Variants in TIMMDC1 observed in about 807,000 individuals in gnomAD.
TIMMDC1 encodes the protein translocase of inner mitochondrial membrane domain containing 1, also known as complex I assembly factor TIMMDC1, mitochondrial.
TIMMDC1 carries 25 observed loss-of-function variants against 32.6 expected under a neutral mutation model. That is an observed-to-expected ratio of 0.77 (90% CI 0.56 to 1.07). The LOEUF (loss-of-function observed/expected upper bound fraction) is 1.07. Ranked by LOEUF, TIMMDC1 falls within the 50% of genes least tolerant of loss-of-function variation. TIMMDC1 has a pLI of 0.00. For missense variants in TIMMDC1, 329 were observed against 349.2 expected (o/e 0.94, Z 0.46); for synonymous variants, 130 against 127.6 (o/e 1.02, Z -0.13).
At chr3:119,514,392 A>G (rs1357549382) in intron 5 of TIMMDC1, among the ~76,000 whole-genome samples, 1 of 152,172 alleles carries the variant, frequency 6.6e-6, no homozygotes, top group African/African-American at 2.4e-5. Context: ...ACCCCCATAT[A>G]TATCAGCATG....
rs1322723704 is a variant in TIMMDC1 at position 119,517,331 on chromosome 3, A to G, written c.707+16A>G. 10 of 1,563,854 alleles carry G rather than the reference A, an allele frequency of 6.4e-6. No homozygotes were observed. The highest frequency in any genetic ancestry group is 1.7e-5 in the Admixed American group (1 of 59,946). On this transcript the variant is annotated intron_variant, in intron 6 of 6. Transcript: ENST00000494664. ...TGGAAGAGTGGTAAGGAACATGTTG[A>G]GCCCAGGGAATCTTGGCTCTCTTGC...
At chr3:119,508,042 C>T (rs939310180) in intron 4 of TIMMDC1, among the ~76,000 whole-genome samples, 15 of 152,186 alleles carry the variant, frequency 9.9e-5, no homozygotes, top group African/African-American at 3.6e-4. Flanking sequence ...ATAGTTTGGG[C>T]TGTGCAAAAC....
At chr3:119,512,034 T>A (rs1328596476) in intron 4 of TIMMDC1, among the ~76,000 whole-genome samples, 1 of 152,208 alleles carries the variant, frequency 6.6e-6, no homozygotes, top group Non-Finnish European at 1.5e-5. Flanking sequence ...CCCAGAAATT[T>A]CATTTCTGTG....
At position 119,523,964 on chromosome 3, in the gene TIMMDC1, A is replaced by G; in HGVS notation, c.*208A>G. 1 of 422,576 alleles carries G rather than the reference A, an allele frequency of 2.4e-6. No homozygotes were observed. Among genetic ancestry groups the G allele is most frequent in the Non-Finnish European group, 4.2e-6 (1 of 238,992 alleles). The allele number at this position is 422,576 out of a possible 1,614,324, so 26.2% of individuals were successfully genotyped here. A position where few individuals can be genotyped will look rare whatever the true frequency, so the allele number is the denominator to read the frequency against. The stretch of plus-strand genomic sequence containing the variant: ...TCACTTTACTTATCCTTAAATTTAA[A>G]TACATACTTATGTTTGTATTAATCT... On this transcript the variant is annotated 3_prime_UTR_variant, in exon 7 of 7. Transcript: ENST00000494664.
At chr3:119,511,481 AAAAAAAG>A (rs906126835) in intron 4 of TIMMDC1, among the ~76,000 whole-genome samples, 1 of 146,782 alleles carries the variant, frequency 6.8e-6, no homozygotes, top group African/African-American at 2.4e-5. Context: ...CATCTTAAAA[AAAAAAAG>A]AAAAAAGAAA....
intron 4 of TIMMDC1, among the ~76,000 whole-genome samples, chr3:119,511,715 T>A (rs1330384170): frequency 6.6e-6 from 1 of 152,156 alleles, no homozygotes; most frequent in Non-Finnish European, 1.5e-5. Context: ...AAAGCCCTAA[T>A]ATATCAAAAA....
At position 119,504,031 on chromosome 3, in the gene TIMMDC1, T is replaced by A; in HGVS notation, c.517+10T>A. ...TTTGTAATTGCAGGAGGTAAGACAT[T>A]TTTGTTTATATTTTTCAGTCTTCTC... On this transcript the variant is annotated intron_variant, in intron 4 of 6. Transcript: ENST00000494664. 1 of 1,602,702 alleles carries A rather than the reference T, an allele frequency of 6.2e-7. No homozygotes were observed. Among genetic ancestry groups the A allele is most frequent in the Middle Eastern group, 1.7e-4 (1 of 6,024 alleles).
intron 1 of TIMMDC1, among the ~76,000 whole-genome samples, chr3:119,499,260 A>AT (rs201343271): frequency 1.3e-4 from 19 of 149,232 alleles, no homozygotes; most frequent in Middle Eastern, 3.4e-3. Context: ...CGCCCGGCTA[A>AT]TTTTTTTTTA....
chr3:119,502,935 A>G (rs60438463), intron 2 of TIMMDC1, among the ~76,000 whole-genome samples: 4,717 of 152,276 alleles, frequency 0.031, 240 homozygotes, highest in African/African-American at 0.11. Flanking sequence ...TCTAAAGTCT[A>G]TCATTCTTTC....
intron 6 of TIMMDC1, among the ~76,000 whole-genome samples, chr3:119,520,444 T>G (rs1003390520): frequency 6.6e-6 from 1 of 152,068 alleles, no homozygotes; most frequent in African/African-American, 2.4e-5. Flanking sequence ...TCATTAGAGA[T>G]TATTATGAAA....
intron 5 of TIMMDC1, among the ~76,000 whole-genome samples, chr3:119,515,289 G>T (rs1313335723): frequency 6.6e-6 from 1 of 151,576 alleles, no homozygotes; most frequent in Non-Finnish European, 1.5e-5. Flanking sequence ...TGTTTTCCTT[G>T]CAGGCTGTCA....
intron 6 of TIMMDC1, among the ~76,000 whole-genome samples, chr3:119,522,820 GTGT>G (rs2082037180): frequency 2.6e-5 from 4 of 151,742 alleles, no homozygotes; most frequent in South Asian, 2.1e-4. Context: ...GTGTGTGTGT[GTGT>G]GTGTGTGTGT....
chr3:119,511,737 T>C (rs2081954349), intron 4 of TIMMDC1, among the ~76,000 whole-genome samples: 1 of 152,200 alleles, frequency 6.6e-6, no homozygotes, highest in Non-Finnish European at 1.5e-5. Flanking sequence ...AAAGGATAGC[T>C]CAGTTGAAGA....
In TIMMDC1 at chr3:119,523,738, TAAAC is replaced by T. The variant is rs776171477; in HGVS notation, c.843_846del (p.Gln282ThrfsTer58). 6.2e-7 allele frequency: 1 copy of T among 1,608,576 alleles called. No individual in the cohort carries two copies. Among genetic ancestry groups the T allele is most frequent in the Non-Finnish European group, 8.5e-7 (1 of 1,177,938 alleles). On this transcript the variant is annotated frameshift_variant, in exon 7 of 7. Coordinates refer to ENST00000494664, the MANE Select transcript of TIMMDC1 (RefSeq NM_016589.4). LOFTEE classifies it high-confidence loss of function. ...TTCCTAGAAACCCTTCAGTAATAGA[TAAAC>T]AAGACAAGGACTGAAAGTGCTCTGA...
chr3:119,515,796 G>T (rs2081982163), intron 5 of TIMMDC1, among the ~76,000 whole-genome samples: 1 of 152,166 alleles, frequency 6.6e-6, no homozygotes, highest in South Asian at 2.1e-4. Flanking sequence ...TAATCGGTTG[G>T]TTACTAGAAA....
At chr3:119,511,067 ACT>A (rs1389672739) in intron 4 of TIMMDC1, among the ~76,000 whole-genome samples, 5 of 152,220 alleles carry the variant, frequency 3.3e-5, no homozygotes, top group Admixed American at 6.5e-5. Context: ...TATTTTATGC[ACT>A]TAAAGACATA....
At position 119,498,857 on chromosome 3, in the gene TIMMDC1, CT is replaced by C; in HGVS notation, c.126del (p.Tyr44ThrfsTer103). ...SEVLEERQKR[L>X]PYVPEPYYPE... ...AGTCCTTGAGGAGCGTCAGAAGCGGCTTCCCTACGTCCCAGAGCCCTATTAC... is the reference window on the plus strand; with the variant it reads ...AGTCCTTGAGGAGCGTCAGAAGCGGCTCCCTACGTCCCAGAGCCCTATTAC... On this transcript the variant is annotated frameshift_variant, in exon 1 of 7. Transcript: ENST00000494664. LOFTEE classifies it high-confidence loss of function. The C allele has an allele frequency of 6.2e-7, 1 of 1,614,116 alleles. No individual in the cohort carries two copies.
At chr3:119,511,435 C>T (rs1317034548) in intron 4 of TIMMDC1, among the ~76,000 whole-genome samples, 3 of 151,606 alleles carry the variant, frequency 2.0e-5, no homozygotes, top group Non-Finnish European at 4.4e-5. Context: ...CAAGATCATG[C>T]CATTGCACTG....
intron 4 of TIMMDC1, among the ~76,000 whole-genome samples, chr3:119,510,842 A>G (rs7615155): frequency 0.45 from 67,940 of 152,140 alleles, 15,889 homozygotes; most frequent in East Asian, 0.58. Context: ...GTAGGAAGAT[A>G]TATAAATGTG....
Sources: allele counts gnomAD v4.1 joint callset (sites outside exome capture counted in the v4.1 genomes callset), GRCh38; gene constraint gnomAD v4.1.1; transcripts MANE v1.5; gene names NCBI Gene and HGNC (gene_info 2026-07-23, HGNC 2026-07-21).